The following HDAC9 variants were observed in gnomAD, a reference collection of about 807,000 sequenced individuals.
HDAC9 encodes the protein MEF-2 interacting transcription repressor (MITR) protein.
A neutral mutation model predicts 139.4 loss-of-function variants in HDAC9; 41 were observed. The observed-to-expected ratio is 0.29, with a 90% CI of 0.23 to 0.38. The LOEUF is 0.38. Among genes scored for constraint, HDAC9 ranks in the 10% least tolerant of loss-of-function variants. HDAC9 has a pLI of 1.00. For synonymous variants in HDAC9, 517 were observed against 476.2 expected, an observed-to-expected ratio of 1.09 and a Z score of -1.12; for missense variants, 1,147 against 1,297.0, an observed-to-expected ratio of 0.88 and a Z score of 1.78.
At position 18,697,827 on chromosome 7, in the gene HDAC9, C is replaced by T. The variant is rs1431735222; in HGVS notation, c.1732-29753C>T. ...TTTTTTTTTGTTATGCTCATGACTG[C>T]CAAGATTTTTATTTTAGGGTTGGAT... is the stretch of plus-strand genomic sequence containing the variant. On this transcript the variant is annotated intron_variant, in intron 12 of 25. Transcript: ENST00000686413. Among the ~76,000 whole-genome samples, 5 of 151,628 alleles carry T rather than the reference C, an allele frequency of 3.3e-5. No individual in the cohort carries two copies. In the South Asian group the frequency reaches 6.3e-4, roughly 19 times the overall value.
At chr7:18,830,518 T>C (rs1795784221) in intron 19 of HDAC9, among the ~76,000 whole-genome samples, 2 of 152,200 alleles carry the variant, frequency 1.3e-5, no homozygotes, top group Non-Finnish European at 1.5e-5. Context: ...TTAAATCTTA[T>C]TGGAAGTCAC....
At chr7:18,749,218 G>C in intron 14 of HDAC9, 80 bp downstream of exon 14, 1 of 1,426,340 alleles carries the variant, frequency 7.0e-7, no homozygotes. Flanking sequence ...GGGAGTAATA[G>C]AAAAATATTA....
At chr7:18,951,693 A>G (rs887070134) in intron 23 of HDAC9, among the ~76,000 whole-genome samples, 4 of 152,044 alleles carry the variant, frequency 2.6e-5, no homozygotes, top group South Asian at 2.1e-4. Context: ...AATTAAATAC[A>G]TAGCAAAACT....
chr7:18,345,426 AG>A (rs919532366), intron 1 of HDAC9, among the ~76,000 whole-genome samples: 1 of 152,014 alleles, frequency 6.6e-6, no homozygotes, highest in African/African-American at 2.4e-5. Flanking sequence ...TCTGATTAAG[AG>A]GTTATTGACA....
chr7:18,974,703 C>A (rs950150209), intron 24 of HDAC9, among the ~76,000 whole-genome samples: 13 of 152,090 alleles, frequency 8.5e-5, no homozygotes, highest in African/African-American at 3.1e-4. Flanking sequence ...GACATCTGTT[C>A]CTCTATGAAA....
chr7:18,830,027 G>A (rs1210292058), intron 19 of HDAC9, among the ~76,000 whole-genome samples: 1 of 152,202 alleles, frequency 6.6e-6, no homozygotes, highest in East Asian at 1.9e-4. Flanking sequence ...AATCTCAGAT[G>A]CCAGTTTGGG....
At chr7:18,200,653 G>C (rs1791052456) in intron 2 of HDAC9, among the ~76,000 whole-genome samples, 1 of 152,150 alleles carries the variant, frequency 6.6e-6, no homozygotes, top group Admixed American at 6.5e-5. Context: ...GAGCAATTGG[G>C]AGTTCAACAT....
At chr7:18,824,087 G>GAAGAAGAACAAC (rs1331001570) in intron 17 of HDAC9, among the ~76,000 whole-genome samples, 9 of 147,432 alleles carry the variant, frequency 6.1e-5, no homozygotes, top group African/African-American at 2.3e-4. Flanking sequence ...AGAAGAAGAA[G>GAAGAAGAACAAC]AACAAGAACA....
At chr7:18,703,366 G>C (rs1051203957) in intron 12 of HDAC9, among the ~76,000 whole-genome samples, 2 of 152,012 alleles carry the variant, frequency 1.3e-5, no homozygotes, top group Non-Finnish European at 1.5e-5. Context: ...AAAAAGCACA[G>C]TTTCCCCAAA....
intron 25 of HDAC9, among the ~76,000 whole-genome samples, chr7:18,976,606 A>T (rs1047492302): frequency 1.3e-5 from 2 of 152,124 alleles, no homozygotes; most frequent in East Asian, 3.9e-4. Flanking sequence ...ATACAGTGAA[A>T]CTAAGATTTG....
intron 17 of HDAC9, among the ~76,000 whole-genome samples, chr7:18,808,978 G>C (rs1793953961): frequency 1.3e-5 from 2 of 151,932 alleles, no homozygotes; most frequent in Non-Finnish European, 2.9e-5. Context: ...TATGATCCTG[G>C]CATAAAAATG....
intron 25 of HDAC9, among the ~76,000 whole-genome samples, chr7:18,985,061 ATTCT>A (rs1306377672): frequency 6.6e-6 from 1 of 151,612 alleles, no homozygotes; most frequent in Non-Finnish European, 1.5e-5. Context: ...TTTTTTTTTA[ATTCT>A]TTTTCTATTT....
chr7:18,579,148 A>G lies in HDAC9; in HGVS notation c.23-6133A>G, dbSNP rs536498293. On this transcript the variant is annotated intron_variant, in intron 2 of 25. Coordinates refer to ENST00000686413, the MANE Select transcript of HDAC9 (RefSeq NM_178425.4). The stretch of plus-strand genomic sequence containing the variant: ...TCATGATACATGTAAATGTAATTTA[A>G]TAGAACCAGCCTGCCATGGCAAAGA... Among the ~76,000 whole-genome samples the G allele has an allele frequency of 2.0e-5, 3 of 152,366 alleles. No homozygotes were observed. The East Asian group carries it at 5.8e-4, about 29-fold the overall frequency.
At chr7:18,145,137 C>G (rs114769250) in intron 1 of HDAC9, among the ~76,000 whole-genome samples, 84 of 152,250 alleles carry the variant, frequency 5.5e-4, no homozygotes, top group African/African-American at 1.8e-3. Context: ...ATATTTTAGG[C>G]TGATTTTATT....
chr7:18,800,939 A>G (rs6946788), intron 17 of HDAC9, among the ~76,000 whole-genome samples: 1,850 of 152,242 alleles, frequency 0.012, 33 homozygotes, highest in African/African-American at 0.042. Flanking sequence ...TTACAATTAC[A>G]TTCTCTGTTC....
chr7:18,753,923 T>A (rs1332083195), intron 14 of HDAC9, among the ~76,000 whole-genome samples: 1 of 152,094 alleles, frequency 6.6e-6, no homozygotes, highest in Non-Finnish European at 1.5e-5. Flanking sequence ...AACATAACAC[T>A]CTCTTTGGTT....
chr7:18,321,216 A>G (rs1800006798), intron 1 of HDAC9, among the ~76,000 whole-genome samples: 1 of 152,132 alleles, frequency 6.6e-6, no homozygotes. Flanking sequence ...ATTTACAACT[A>G]CTTTTTCTAT....
In HDAC9 at chr7:18,998,890, AAAG is replaced by A. The variant is rs1407433950; in HGVS notation, c.*2832_*2834del. ...AATAAGCTGTCAAACGTAGGTATAAAAAGAAGGCTTAAAAATTAATTTTCCCAA... is the reference window on the plus strand; with the variant it reads ...AATAAGCTGTCAAACGTAGGTATAAAAAGGCTTAAAAATTAATTTTCCCAA... On this transcript the variant is annotated 3_prime_UTR_variant, in exon 26 of 26. Coordinates refer to ENST00000686413, the MANE Select transcript of HDAC9 (RefSeq NM_178425.4). The A allele has an allele frequency of 5.3e-5, 8 of 152,238 alleles. No individual in the cohort carries two copies. Among genetic ancestry groups the A allele is most frequent in the African/African-American group, 1.9e-4 (8 of 41,468 alleles). 9.4% of individuals were successfully genotyped at this position (152,238 alleles called of 1,614,324 possible).
chr7:18,975,568 C>T (rs1209481384), intron 24 of HDAC9, among the ~76,000 whole-genome samples: 1 of 152,128 alleles, frequency 6.6e-6, no homozygotes, highest in Non-Finnish European at 1.5e-5. Context: ...GATTATTCCT[C>T]ACTTTATTGC....
Sources: gnomAD v4.1 joint callset for allele counts (sites outside exome capture counted in the v4.1 genomes callset) on GRCh38, gnomAD v4.1.1 for gene constraint, MANE v1.5 for transcripts, NCBI Gene and HGNC (gene_info 2026-07-23, HGNC 2026-07-21) for gene names.